FSTL4: variants seen among roughly 807,000 people sequenced by gnomAD.
The protein encoded by FSTL4 is follistatin like 4, also known as follistatin-related protein 4.
In FSTL4, 28 loss-of-function variants were observed where a neutral mutation model predicts 78.2. The observed-to-expected ratio is 0.36, with a 90% CI of 0.27 to 0.49. The LOEUF is 0.49. Ranked by LOEUF, FSTL4 falls within the 20% of genes least tolerant of loss-of-function variation. The probability of loss-of-function intolerance (pLI) is 0.98; values close to 1 mark genes in which losing one functional copy is unlikely to be tolerated. For missense variants in FSTL4, 922 were observed against 1,084.9 expected (o/e 0.85, Z 2.11); for synonymous variants, 422 against 440.5 (o/e 0.96, Z 0.53).
At chr5:133,724,068 G>A in the FSTL4 span, among the ~76,000 whole-genome samples, 1 of 152,232 alleles carries the variant, frequency 6.6e-6, no homozygotes, top group East Asian at 1.9e-4. Context: ...CACCCCAGCA[G>A]TGGCTCCCAC....
chr5:133,683,734 C>T, the FSTL4 span, among the ~76,000 whole-genome samples: 5 of 152,124 alleles, frequency 3.3e-5, no homozygotes, highest in African/African-American at 1.2e-4. Flanking sequence ...CCAGAGGCCA[C>T]GTGGGTCAGG....
At chr5:133,368,466 G>C (rs188001480) in intron 4 of FSTL4, among the ~76,000 whole-genome samples, 9 of 152,322 alleles carry the variant, frequency 5.9e-5, no homozygotes, top group Non-Finnish European at 1.3e-4. Context: ...ATGTCTCCTT[G>C]TGCTGTAATA....
the FSTL4 span, among the ~76,000 whole-genome samples, chr5:133,682,305 C>T: frequency 6.6e-6 from 1 of 152,228 alleles, no homozygotes; most frequent in African/African-American, 2.4e-5. Context: ...TCCTTACTCT[C>T]ATTCCCAATC....
At chr5:133,616,645 GC>G (rs1268786169), upstream of FSTL4, among the ~76,000 whole-genome samples, 2 of 151,920 alleles carry the variant, frequency 1.3e-5, no homozygotes, top group Non-Finnish European at 2.9e-5. Context: ...CAAGTAATTT[GC>G]CCCACCTCGG....
the FSTL4 span, among the ~76,000 whole-genome samples, chr5:133,646,484 C>T: frequency 0.12 from 18,270 of 151,926 alleles, 1,215 homozygotes; most frequent in Admixed American, 0.22. Flanking sequence ...AATGGAATGC[C>T]GTGAGCTAAT....
chr5:133,239,781 ACT>A (rs1202733703), intron 7 of FSTL4, among the ~76,000 whole-genome samples: 2 of 152,020 alleles, frequency 1.3e-5, no homozygotes, highest in African/African-American at 4.8e-5. Context: ...TTGTGTGGAC[ACT>A]CTGTATCTAG....
chr5:133,396,166 T>TA (rs1323043322), intron 4 of FSTL4, among the ~76,000 whole-genome samples: 2 of 152,214 alleles, frequency 1.3e-5, no homozygotes, highest in African/African-American at 4.8e-5. Flanking sequence ...GCAAGGGTCT[T>TA]ACAGCTTGTT....
chr5:133,408,540 G>A (rs940113465), intron 3 of FSTL4, among the ~76,000 whole-genome samples: 5 of 149,366 alleles, frequency 3.3e-5, no homozygotes, highest in Admixed American at 6.7e-5. Context: ...TGACCGAGCT[G>A]AGGATGCAGC....
the FSTL4 span, among the ~76,000 whole-genome samples, chr5:133,820,523 C>A: frequency 3.3e-5 from 5 of 152,300 alleles, no homozygotes; most frequent in East Asian, 9.6e-4. Flanking sequence ...GTATATTTTT[C>A]TCTGTGGATC....
chr5:133,540,736 AAAAG>A (rs1561462534), intron 3 of FSTL4, among the ~76,000 whole-genome samples: 2 of 150,968 alleles, frequency 1.3e-5, no homozygotes, highest in Admixed American at 6.6e-5. Flanking sequence ...AAAAAAAAAA[AAAAG>A]AAAGAAAAAA....
At chr5:133,735,710 C>A in the FSTL4 span, among the ~76,000 whole-genome samples, 2 of 152,004 alleles carry the variant, frequency 1.3e-5, no homozygotes, top group African/African-American at 2.4e-5. Context: ...ACAAGCAATG[C>A]GAGGCCTCTG....
At chr5:133,838,965 T>C in the FSTL4 span, among the ~76,000 whole-genome samples, 1 of 152,330 alleles carries the variant, frequency 6.6e-6, no homozygotes, top group South Asian at 2.1e-4. Context: ...ACTGCCACAA[T>C]GGCTCCAGTT....
intron 6 of FSTL4, among the ~76,000 whole-genome samples, chr5:133,257,000 G>A (rs1752395256): frequency 6.6e-6 from 1 of 152,236 alleles, no homozygotes; most frequent in Non-Finnish European, 1.5e-5. Context: ...ACCTTTGTAA[G>A]CTGCATAAAG....
upstream of FSTL4, among the ~76,000 whole-genome samples, chr5:133,614,647 A>T (rs1233496776): frequency 6.6e-6 from 1 of 152,222 alleles, no homozygotes; most frequent in Non-Finnish European, 1.5e-5. Context: ...ATTGGAAAAT[A>T]GGCTAGATTT....
At chr5:133,395,717 C>G (rs1361139877) in intron 4 of FSTL4, among the ~76,000 whole-genome samples, 1 of 150,800 alleles carries the variant, frequency 6.6e-6, no homozygotes, top group African/African-American at 2.5e-5. Flanking sequence ...GTACTTCATG[C>G]CTGTACTCCT....
At chr5:133,562,423 C>G (rs1163772725) in intron 3 of FSTL4, among the ~76,000 whole-genome samples, 1 of 152,138 alleles carries the variant, frequency 6.6e-6, no homozygotes, top group Non-Finnish European at 1.5e-5. Context: ...AATTAGGGAC[C>G]GATTCCACGG....
At chr5:133,730,291 A>G in the FSTL4 span, among the ~76,000 whole-genome samples, 1 of 152,160 alleles carries the variant, frequency 6.6e-6, no homozygotes, top group African/African-American at 2.4e-5. Flanking sequence ...CCTCATCAAG[A>G]TTCTCTGTAT....
chr5:133,345,675 A>G (rs770752170), intron 4 of FSTL4, among the ~76,000 whole-genome samples: 1 of 152,240 alleles, frequency 6.6e-6, no homozygotes, highest in Non-Finnish European at 1.5e-5. Flanking sequence ...CAGAAATGCA[A>G]ATCAAAACCA....
At chr5:133,753,727 G>A in the FSTL4 span, among the ~76,000 whole-genome samples, 8,937 of 134,650 alleles carry the variant, frequency 0.066, 901 homozygotes, top group African/African-American at 0.22. Context: ...GTGTGTGTGT[G>A]TAGTGGCAGG....
Sources: gnomAD v4.1 joint callset for allele counts (sites outside exome capture counted in the v4.1 genomes callset) on GRCh38, gnomAD v4.1.1 for gene constraint, MANE v1.5 for transcripts, NCBI Gene and HGNC (gene_info 2026-07-23, HGNC 2026-07-21) for gene names.